EID2: variants seen among roughly 807,000 people sequenced by gnomAD.
EID2 encodes EP300 interacting inhibitor of differentiation 2, also known as EP300-interacting inhibitor of differentiation 2.
A neutral mutation model predicts 2.6 loss-of-function variants in EID2; 1 was observed. The ratio of observed to expected loss-of-function variants is 0.39; its 90% CI spans 0.14 to 1.85. The LOEUF (loss-of-function observed/expected upper bound fraction) is 1.85. Among genes scored for constraint, EID2 ranks in the 40% most tolerant of loss-of-function variants. The pLI, the probability that EID2 is intolerant of heterozygous loss-of-function variation, is 0.32. For missense variants in EID2, 285 were observed against 338.4 expected (o/e 0.84, Z 1.24); for synonymous variants, 126 against 147.2 (o/e 0.86, Z 1.04).
Position 39,539,158 on chromosome 19 carries a change from C to T in EID2, c.*211G>A. On this transcript the variant is annotated 3_prime_UTR_variant, in exon 1 of 1. Transcript: ENST00000390658. ...TGCAGGGGGAAAAATGTGGATCAAT[C>T]ACAAACTCAAAGAACGTTACAGTTA... 1 of 502,020 alleles carries T rather than the reference C, an allele frequency of 2.0e-6. No homozygotes were observed. Among genetic ancestry groups the T allele is most frequent in the Non-Finnish European group, 3.5e-6 (1 of 284,002 alleles). The allele number at this position is 502,020 out of a possible 1,614,324, so 31.1% of individuals were successfully genotyped here. A position where few individuals can be genotyped will look rare whatever the true frequency, so the allele number is the denominator to read the frequency against.
At position 39,540,130 on chromosome 19, in the gene EID2, G is replaced by C. The variant is rs1972069391; in HGVS notation, c.-51C>G. 1.3e-6 allele frequency: 2 copies of C among 1,574,802 alleles called. No homozygotes were observed. The highest frequency in any genetic ancestry group is 2.3e-5 in the South Asian group (2 of 88,618). Reference sequence around the variant, plus strand: ...GCTCCCAGAGAAACTGGAATAACTGGACAGAGCGATGCCCGGCGGACACCC... The same window carrying C: ...GCTCCCAGAGAAACTGGAATAACTGCACAGAGCGATGCCCGGCGGACACCC... On this transcript the variant is annotated 5_prime_UTR_variant, in exon 1 of 1. Transcript: ENST00000390658.
chr19:39,538,839 ATAT>A lies in EID2; in HGVS notation c.*527_*529del. 6.6e-6 allele frequency: 1 copy of A among 152,248 alleles called. No individual in the cohort carries two copies. The highest frequency in any genetic ancestry group is 1.9e-4 in the East Asian group (1 of 5,200). 9.4% of individuals were successfully genotyped at this position (152,248 alleles called of 1,614,324 possible). Reference sequence around the variant, plus strand: ...TCTTGAAAACATGATTTATCACATAATATATACATTTACTTTGCTTGTCACTTG... The same window carrying A: ...TCTTGAAAACATGATTTATCACATAAATACATTTACTTTGCTTGTCACTTG... On this transcript the variant is annotated 3_prime_UTR_variant, in exon 1 of 1. Coordinates refer to ENST00000390658, the MANE Select transcript of EID2 (RefSeq NM_153232.4).
rs1972063285 is a variant in EID2 at position 39,539,823 on chromosome 19, C to G, written c.257G>C (p.Arg86Thr). The change falls in exon 1 of 1, where the codon AGG becomes ACG. Residue 86 changes from arginine to threonine, a missense_variant. Coordinates refer to ENST00000390658, the MANE Select transcript of EID2 (RefSeq NM_153232.4). ...GAPVAAAALA[R>T]AAAAGRESPA... The stretch of plus-strand genomic sequence containing the variant: ...GCTTTCCCTGCCCGCCGCGGCTGCC[C>G]TGGCCAACGCCGCCGCTGCCACCGG... 1 of 1,445,744 alleles carries G rather than the reference C, an allele frequency of 6.9e-7. No homozygotes were observed. Among genetic ancestry groups the G allele is most frequent in the Admixed American group, 2.9e-5 (1 of 34,658 alleles). 89.6% of individuals were successfully genotyped at this position (1,445,744 alleles called of 1,614,324 possible).
chr19:39,539,851 C>A lies in EID2; in HGVS notation c.229G>T (p.Ala77Ser), dbSNP rs1033087356. 1 of 1,330,024 alleles carries A rather than the reference C, an allele frequency of 7.5e-7. No homozygotes were observed. Among genetic ancestry groups the A allele is most frequent in the African/African-American group, 1.5e-5 (1 of 64,956 alleles). 82.4% of individuals were successfully genotyped at this position (1,330,024 alleles called of 1,614,324 possible). The change falls in exon 1 of 1, where the codon GCC becomes TCC. Residue 77 changes from alanine to serine, a missense_variant. Coordinates refer to ENST00000390658, the MANE Select transcript of EID2 (RefSeq NM_153232.4). ...RAAPAAAARGAPVAAAALARA... is the reference protein window; with the variant it reads ...RAAPAAAARGSPVAAAALARA... ...GCCAACGCCGCCGCTGCCACCGGGG[C>A]TCCCCTGGCTGCCGCCGCCGGGGCT...
In EID2 at chr19:39,539,415, G is replaced by A; in HGVS notation, c.665C>T (p.Pro222Leu). 1.2e-6 allele frequency: 2 copies of A among 1,614,166 alleles called. No homozygotes were observed. Among genetic ancestry groups the A allele is most frequent in the South Asian group, 1.1e-5 (1 of 91,078 alleles). ...ATCGCAACCAAGTTCTTCTATCAGA[G>A]GGTTGATAACTTCAGAGGCAGTCAG... ...IALTASEVIN[P>L]LIEELGCDKF... is the part of the protein sequence containing the mutation. The change falls in exon 1 of 1, where the codon CCT (proline) becomes CTT (leucine). Residue 222 changes from proline (P) to leucine (L), a missense_variant. Physicochemically the swap from Pro to Leu is moderately conservative, Grantham distance 98 (BLOSUM62 -3). Transcript: ENST00000390658.
chr19:39,539,942 C>G lies in EID2; in HGVS notation c.138G>C (p.Ala46=). Residue 46 remains alanine, a synonymous_variant, in exon 1 of 1, where the codon GCG becomes GCC. Transcript: ENST00000390658. ...CCGGGCCTCCCCTGGCCGCCGCCAT[C>G]GCGCCTTCCCCGGCCTCCTCAGGCT... ...PAQPEEAGEG[A]MAAARGGPVP... is the part of the protein sequence containing the mutation. 6.6e-7 allele frequency: 1 copy of G among 1,525,016 alleles called. No individual in the cohort carries two copies. Among genetic ancestry groups the G allele is most frequent in the South Asian group, 1.2e-5 (1 of 84,072 alleles). The allele number at this position is 1,525,016 out of a possible 1,614,324, so 94.5% of individuals were successfully genotyped here.
rs772998243 is a variant in EID2, at chr19:39,539,461, T to C, written c.619A>G (p.Ile207Val). The C allele has an allele frequency of 6.2e-7, 1 of 1,614,240 alleles. No homozygotes were observed. Among genetic ancestry groups the C allele is most frequent in the East Asian group, 2.2e-5 (1 of 44,882 alleles). ...GTCAGAGCTATCGTAAAGGTTAAAA[T>C]ATCGAGGTCCACCCTGTGAGGATTT... Reference protein sequence around the residue: ...QRNPHRVDLDILTFTIALTAS... With the variant: ...QRNPHRVDLDVLTFTIALTAS... Residue 207 changes from isoleucine (I) to valine (V), a missense_variant, in exon 1 of 1, where the codon ATT becomes GTT. Physicochemically the swap from Ile to Val is conservative, Grantham distance 29. Coordinates refer to ENST00000390658, the MANE Select transcript of EID2 (RefSeq NM_153232.4).
chr19:39,539,964 G>T lies in EID2; in HGVS notation c.116C>A (p.Pro39His). The T allele has an allele frequency of 6.4e-7, 1 of 1,574,436 alleles. No individual in the cohort carries two copies. The highest frequency in any genetic ancestry group is 1.8e-5 in the Admixed American group (1 of 56,946). The change falls in exon 1 of 1, where the codon CCT (proline) becomes CAT (histidine). Residue 39 changes from proline (P) to histidine (H), a missense_variant. Physicochemically the swap from Pro to His is moderately conservative, Grantham distance 77. Transcript: ENST00000390658. ...CATCGCGCCTTCCCCGGCCTCCTCA[G>T]GCTGTGCCGGGGCCGGCTCCCGCCT... Reference protein sequence around the residue: ...RGRREPAPAQPEEAGEGAMAA... With the variant: ...RGRREPAPAQHEEAGEGAMAA...
Position 39,539,321 on chromosome 19 carries a change from G to C in EID2, c.*48C>G, listed in dbSNP as rs1287258403. 1 of 1,525,044 alleles carries C rather than the reference G, an allele frequency of 6.6e-7. No homozygotes were observed. Among genetic ancestry groups the C allele is most frequent in the African/African-American group, 1.4e-5 (1 of 72,800 alleles). The allele number at this position is 1,525,044 out of a possible 1,614,324, so 94.5% of individuals were successfully genotyped here. A position where few individuals can be genotyped will look rare whatever the true frequency, so the allele number is the denominator to read the frequency against. On this transcript the variant is annotated 3_prime_UTR_variant, in exon 1 of 1. Transcript: ENST00000390658. ...CTTCTGAAAATCAAGTTGCAGGATTGGTATGACTGGAATGCAGAGGTTCTC... is the reference window on the plus strand; with the variant it reads ...CTTCTGAAAATCAAGTTGCAGGATTCGTATGACTGGAATGCAGAGGTTCTC...
In EID2 at chr19:39,539,661, A is replaced by C; in HGVS notation, c.419T>G (p.Leu140Arg). ...GNGGLAALPY[L>R]RLRHPLSVLG... The stretch of plus-strand genomic sequence containing the variant: ...AACGCTAAGTGGGTGGCGGAGACGG[A>C]GATAGGGCAACGCAGCCAGGCCTCC... The change falls in exon 1 of 1, where the codon CTC becomes CGC. Residue 140 changes from leucine to arginine, a missense_variant. Coordinates refer to ENST00000390658, the MANE Select transcript of EID2 (RefSeq NM_153232.4). 6.2e-7 allele frequency: 1 copy of C among 1,614,200 alleles called. No homozygotes were observed. The highest frequency in any genetic ancestry group is 1.7e-5 in the Admixed American group (1 of 60,022).
Position 39,539,536 on chromosome 19 carries a change from C to G in EID2, c.544G>C (p.Val182Leu), listed in dbSNP as rs1376404748. ...QELEERRRRFVEACRAREAAF... is the reference protein window; with the variant it reads ...QELEERRRRFLEACRAREAAF... Reference sequence around the variant, plus strand: ...GCTTCCCTTGCTCTGCAGGCTTCCACGAATCGCCTGCGGCGTTCTTCAAGC... The same window carrying G: ...GCTTCCCTTGCTCTGCAGGCTTCCAGGAATCGCCTGCGGCGTTCTTCAAGC... The change falls in exon 1 of 1, where the codon GTG (valine) becomes CTG (leucine). Residue 182 changes from valine (V) to leucine (L), a missense_variant. By Grantham distance (32) the Val-to-Leu change is conservative. Transcript: ENST00000390658. 1 of 1,614,280 alleles carries G rather than the reference C, an allele frequency of 6.2e-7. No homozygotes were observed. Among genetic ancestry groups the G allele is most frequent in the Non-Finnish European group, 8.5e-7 (1 of 1,180,050 alleles).
rs544272604 is a variant in EID2 at position 39,539,932 on chromosome 19, C to T, written c.148G>A (p.Ala50Thr). The T allele has an allele frequency of 2.0e-6, 3 of 1,506,394 alleles. No individual in the cohort carries two copies. Among genetic ancestry groups the T allele is most frequent in the Non-Finnish European group, 2.6e-6 (3 of 1,134,920 alleles). 93.3% of individuals were successfully genotyped at this position (1,506,394 alleles called of 1,614,324 possible). A position where few individuals can be genotyped will look rare whatever the true frequency, so the allele number is the denominator to read the frequency against. ...GCCGCCGGCACCGGGCCTCCCCTGG[C>T]CGCCGCCATCGCGCCTTCCCCGGCC... is the stretch of plus-strand genomic sequence containing the variant. ...EEAGEGAMAA[A>T]RGGPVPAARE... Residue 50 changes from alanine (A) to threonine (T), a missense_variant, in exon 1 of 1, where the codon GCC becomes ACC. Ala to Thr is a moderately conservative substitution (Grantham distance 58). Transcript: ENST00000390658.
chr19:39,539,305 A>C lies in EID2; in HGVS notation c.*64T>G. 6.8e-7 allele frequency: 1 copy of C among 1,464,864 alleles called. No individual in the cohort carries two copies. Among genetic ancestry groups the C allele is most frequent in the Non-Finnish European group, 9.4e-7 (1 of 1,060,754 alleles). 90.7% of individuals were successfully genotyped at this position (1,464,864 alleles called of 1,614,324 possible). A position where few individuals can be genotyped will look rare whatever the true frequency, so the allele number is the denominator to read the frequency against. The stretch of plus-strand genomic sequence containing the variant: ...CGCGATATACTCTTGACTTCTGAAA[A>C]TCAAGTTGCAGGATTGGTATGACTG... On this transcript the variant is annotated 3_prime_UTR_variant, in exon 1 of 1. Coordinates refer to ENST00000390658, the MANE Select transcript of EID2 (RefSeq NM_153232.4).
chr19:39,539,173 CG>C lies in EID2; in HGVS notation c.*195del, dbSNP rs763059264. The C allele has an allele frequency of 5.4e-5, 29 of 541,042 alleles. No homozygotes were observed. The highest frequency in any genetic ancestry group is 8.8e-5 in the Non-Finnish European group (27 of 307,730). The allele number at this position is 541,042 out of a possible 1,614,324, so 33.5% of individuals were successfully genotyped here. On this transcript the variant is annotated 3_prime_UTR_variant, in exon 1 of 1. Transcript: ENST00000390658. ...GTGGATCAATCACAAACTCAAAGAA[CG>C]TTACAGTTATAATGCTTTCGACATT...
chr19:39,539,273 G>A lies in EID2; in HGVS notation c.*96C>T. 1.7e-6 allele frequency: 2 copies of A among 1,189,048 alleles called. No individual in the cohort carries two copies. Among genetic ancestry groups the A allele is most frequent in the Non-Finnish European group, 2.4e-6 (2 of 826,382 alleles). The allele number at this position is 1,189,048 out of a possible 1,614,324, so 73.7% of individuals were successfully genotyped here. On this transcript the variant is annotated 3_prime_UTR_variant, in exon 1 of 1. Coordinates refer to ENST00000390658, the MANE Select transcript of EID2 (RefSeq NM_153232.4). Reference sequence around the variant, plus strand: ...TTTTTTTCCCCTCCACCTGTGCACTGTCTTATCGCGATATACTCTTGACTT... The same window carrying A: ...TTTTTTTCCCCTCCACCTGTGCACTATCTTATCGCGATATACTCTTGACTT...
In EID2 at chr19:39,539,495, TTCGGCA is replaced by T; in HGVS notation, c.579_584del (p.Asp193_Ala194del). On this transcript the variant is annotated inframe_deletion, in exon 1 of 1. Coordinates refer to ENST00000390658, the MANE Select transcript of EID2 (RefSeq NM_153232.4). ...CCACCCTGTGAGGATTTCGCTGATATTCGGCATCAAACGCTGCTTCCCTTGCTCTGC... is the reference window on the plus strand; with the variant it reads ...CCACCCTGTGAGGATTTCGCTGATATTCAAACGCTGCTTCCCTTGCTCTGC... 6.2e-7 allele frequency: 1 copy of T among 1,614,270 alleles called. No homozygotes were observed. The highest frequency in any genetic ancestry group is 8.5e-7 in the Non-Finnish European group (1 of 1,180,048).
At position 39,540,093 on chromosome 19, in the gene EID2, G is replaced by A. The variant is rs1447420809; in HGVS notation, c.-14C>T. ...CAGCTTGGACATCTCAGACCGTGGG[G>A]TCAACTCGGCTGCTCCCAGAGAAAC... On this transcript the variant is annotated 5_prime_UTR_variant, in exon 1 of 1. Transcript: ENST00000390658. The A allele has an allele frequency of 6.3e-7, 1 of 1,594,842 alleles. No homozygotes were observed. Among genetic ancestry groups the A allele is most frequent in the Non-Finnish European group, 8.5e-7 (1 of 1,172,974 alleles).
Position 39,539,454 on chromosome 19 carries a change from G to A in EID2, c.626C>T (p.Thr209Ile). 1 of 1,614,234 alleles carries A rather than the reference G, an allele frequency of 6.2e-7. No homozygotes were observed. The highest frequency in any genetic ancestry group is 1.1e-5 in the South Asian group (1 of 91,088). The change falls in exon 1 of 1, where the codon ACC (threonine) becomes ATC (isoleucine). Residue 209 changes from threonine (T) to isoleucine (I), a missense_variant. Thr to Ile is a moderately conservative substitution (Grantham distance 89). Transcript: ENST00000390658. ...AGAGGCAGTCAGAGCTATCGTAAAGGTTAAAATATCGAGGTCCACCCTGTG... is the reference window on the plus strand; with the variant it reads ...AGAGGCAGTCAGAGCTATCGTAAAGATTAAAATATCGAGGTCCACCCTGTG... ...NPHRVDLDILTFTIALTASEV... is the reference protein window; with the variant it reads ...NPHRVDLDILIFTIALTASEV...
Position 39,539,356 on chromosome 19 carries a change from T to C in EID2, c.*13A>G. On this transcript the variant is annotated 3_prime_UTR_variant, in exon 1 of 1. Coordinates refer to ENST00000390658, the MANE Select transcript of EID2 (RefSeq NM_153232.4). ...GAATGCAGAGGTTCTCTTGAAGTAG[T>C]GTCACCACATAACTATTCTCTATTG... is the stretch of plus-strand genomic sequence containing the variant. The C allele has an allele frequency of 6.2e-7, 1 of 1,603,758 alleles. No homozygotes were observed. Among genetic ancestry groups the C allele is most frequent in the Non-Finnish European group, 8.5e-7 (1 of 1,171,414 alleles).
Sources: gnomAD v4.1 joint callset for allele counts on GRCh38, gnomAD v4.1.1 for gene constraint, MANE v1.5 for transcripts, NCBI Gene and HGNC (gene_info 2026-07-23, HGNC 2026-07-21) for gene names.